The following PPP6R3 variants were observed in gnomAD, a reference collection of about 807,000 sequenced individuals.
The protein encoded by PPP6R3 is protein phosphatase 6 regulatory subunit 3.
Under a neutral mutation model 110.7 loss-of-function variants are expected in PPP6R3, and 38 were observed. The observed-to-expected ratio is 0.34, with a 90% CI of 0.26 to 0.45. The LOEUF is 0.45. Among genes scored for constraint, PPP6R3 ranks in the 20% least tolerant of loss-of-function variants. PPP6R3 has a pLI of 1.00. For missense variants in PPP6R3, 870 were observed against 1,062.4 expected (o/e 0.82, Z 2.52); for synonymous variants, 369 against 373.5 (o/e 0.99, Z 0.14).
intron 1 of PPP6R3, among the ~76,000 whole-genome samples, chr11:68,466,646 A>G (rs564679193): frequency 9.2e-6 from 1 of 109,288 alleles, no homozygotes; most frequent in East Asian, 2.6e-4. Context: ...GGAGTCTCAC[A>G]CTGTCGCCCG....
chr11:68,478,994 A>T (rs1306024028), intron 1 of PPP6R3, among the ~76,000 whole-genome samples: 1 of 152,196 alleles, frequency 6.6e-6, no homozygotes, highest in Non-Finnish European at 1.5e-5. Flanking sequence ...TCATATATGA[A>T]AGAAGTGTGT....
intron 6 of PPP6R3, 151 bp downstream of exon 6, chr11:68,551,337 T>A: frequency 1.6e-6 from 1 of 621,922 alleles, no homozygotes; most frequent in Non-Finnish European, 2.7e-6. Flanking sequence ...TTGATACTTT[T>A]CTAAACAATA....
chr11:68,566,183 T>C (rs902770981), intron 9 of PPP6R3, among the ~76,000 whole-genome samples: 1 of 152,200 alleles, frequency 6.6e-6, no homozygotes, highest in African/African-American at 2.4e-5. Context: ...TGGCTCAGAC[T>C]GAGGATTGTA....
chr11:68,466,264 G>A (rs1288579549), intron 1 of PPP6R3, among the ~76,000 whole-genome samples: 1 of 152,078 alleles, frequency 6.6e-6, no homozygotes, highest in African/African-American at 2.4e-5. Flanking sequence ...TTTATGAGGA[G>A]GGAGATAGTT....
chr11:68,494,173 C>T (rs2099001492), intron 1 of PPP6R3, among the ~76,000 whole-genome samples: 1 of 150,854 alleles, frequency 6.6e-6, no homozygotes, highest in South Asian at 2.1e-4. Context: ...AGGATGAATG[C>T]TTGATGTGAT....
chr11:68,491,328 CTGTGTGTGTG>C (rs60972668), intron 1 of PPP6R3, among the ~76,000 whole-genome samples: 4,400 of 123,544 alleles, frequency 0.036, 81 homozygotes, highest in Middle Eastern at 0.071. Context: ...GTGTCTTCAG[CTGTGTGTGTG>C]TGTGTGTGTG....
chr11:68,565,728 A>T (rs1237255404), intron 9 of PPP6R3, among the ~76,000 whole-genome samples: 1 of 151,730 alleles, frequency 6.6e-6, no homozygotes, highest in Admixed American at 6.6e-5. Flanking sequence ...CTTCTCTGTT[A>T]CTCCGAGAAC....
chr11:68,497,044 G>GT (rs1262843707), intron 1 of PPP6R3, among the ~76,000 whole-genome samples: 2 of 135,874 alleles, frequency 1.5e-5, no homozygotes, highest in African/African-American at 2.8e-5. Flanking sequence ...TTGTTTGTTT[G>GT]TTTGTTTTGT....
At chr11:68,559,802 C>T (rs929734575) in intron 8 of PPP6R3, among the ~76,000 whole-genome samples, 19 of 119,222 alleles carry the variant, frequency 1.6e-4, no homozygotes, top group African/African-American at 5.3e-4. Flanking sequence ...CTTCCCACCC[C>T]AGCGGTACAG....
intron 3 of PPP6R3, among the ~76,000 whole-genome samples, chr11:68,542,268 G>T (rs985266558): frequency 4.0e-5 from 6 of 151,890 alleles, no homozygotes; most frequent in Admixed American, 3.3e-4. Flanking sequence ...ATAGGGCTGG[G>T]TTCCCTTCTG....
At chr11:68,517,176 G>C (rs1479330882) in intron 1 of PPP6R3, among the ~76,000 whole-genome samples, 1 of 151,182 alleles carries the variant, frequency 6.6e-6, no homozygotes, top group Non-Finnish European at 1.5e-5. Context: ...TCCATTTTAG[G>C]CTTTCAATTT....
chr11:68,590,538 TTTTA>T, intron 16 of PPP6R3, 118 bp from the exon 17 acceptor site: 1 of 1,134,460 alleles, frequency 8.8e-7, no homozygotes, highest in Non-Finnish European at 1.2e-6. Context: ...TCTGTTTGTT[TTTTA>T]TTTATAGAGA....
chr11:68,595,593 T>TA (rs2099611526), intron 18 of PPP6R3, among the ~76,000 whole-genome samples: 2 of 152,110 alleles, frequency 1.3e-5, no homozygotes, highest in Non-Finnish European at 2.9e-5. Context: ...TTTAATAGAA[T>TA]GAAACGACAA....
chr11:68,525,394 C>G (rs1156528670), intron 2 of PPP6R3, among the ~76,000 whole-genome samples: 2 of 152,142 alleles, frequency 1.3e-5, no homozygotes, highest in African/African-American at 2.4e-5. Flanking sequence ...TCATAAGGAG[C>G]TATAAAGACC....
Position 68,596,090 on chromosome 11 carries a change from T to C in PPP6R3, c.1917-7T>C, listed in dbSNP as rs934489655. 1 of 1,614,204 alleles carries C rather than the reference T, an allele frequency of 6.2e-7. No individual in the cohort carries two copies. Among genetic ancestry groups the C allele is most frequent in the South Asian group, 1.1e-5 (1 of 91,084 alleles). On this transcript the variant is annotated splice_polypyrimidine_tract_variant and splice_region_variant and intron_variant, in intron 18 of 23. Coordinates refer to ENST00000393800, the MANE Select transcript of PPP6R3 (RefSeq NM_001164161.2). ...GTGTTAAATACTTGGGTCTTGTTTT[T>C]CCTTAGCTCGGGGAGTACAGACAGT...
rs1425597818 is a variant in PPP6R3 at position 68,518,355 on chromosome 11, G to A, written c.-157-1146G>A. ...AAAGCTTCATTTATGTAGTACTACT[G>A]CCAGAAGCACATAACCCATATTCTT... On this transcript the variant is annotated intron_variant, in intron 1 of 23. Transcript: ENST00000393800. Among the ~76,000 whole-genome samples, 4 of 152,264 alleles carry A rather than the reference G, an allele frequency of 2.6e-5. No individual in the cohort carries two copies. The East Asian group carries it at 5.8e-4, about 22-fold the overall frequency.
At chr11:68,559,318 A>G (rs1209417961) in intron 8 of PPP6R3, among the ~76,000 whole-genome samples, 1 of 152,232 alleles carries the variant, frequency 6.6e-6, no homozygotes, top group Admixed American at 6.5e-5. Flanking sequence ...TATTCTTTAT[A>G]ATTTATGTCC....
At chr11:68,599,604 T>A (rs1308287192) in intron 19 of PPP6R3, among the ~76,000 whole-genome samples, 2 of 152,256 alleles carry the variant, frequency 1.3e-5, no homozygotes, top group African/African-American at 4.8e-5. Context: ...AGTTGAATAA[T>A]CAACATGTTC....
At chr11:68,584,263 G>A (rs1037555910) in intron 15 of PPP6R3, among the ~76,000 whole-genome samples, 1 of 152,174 alleles carries the variant, frequency 6.6e-6, no homozygotes, top group Non-Finnish European at 1.5e-5. Context: ...ACGGGCCGTG[G>A]CGGTGGCCCA....
Sources: gnomAD v4.1 joint callset for allele counts (sites outside exome capture counted in the v4.1 genomes callset) on GRCh38, gnomAD v4.1.1 for gene constraint, MANE v1.5 for transcripts, NCBI Gene and HGNC (gene_info 2026-07-23, HGNC 2026-07-21) for gene names.